The following M1AP variants were observed in gnomAD, a reference collection of about 807,000 sequenced individuals.
M1AP encodes meiosis 1 associated protein.
In M1AP, 39 loss-of-function variants were observed where a neutral mutation model predicts 51.2. The observed-to-expected ratio is 0.76, with a 90% CI of 0.59 to 1.00. The LOEUF (loss-of-function observed/expected upper bound fraction) is 1.00. Ranked by LOEUF, M1AP falls within the 50% of genes least tolerant of loss-of-function variation. The pLI is 0.00. For missense variants in M1AP, 545 were observed against 641.2 expected (o/e 0.85, Z 1.62); for synonymous variants, 251 against 249.2 (o/e 1.01, Z -0.07).
chr2:74,632,641 G>A (rs1284469805), intron 2 of M1AP, among the ~76,000 whole-genome samples: 2 of 152,172 alleles, frequency 1.3e-5, no homozygotes, highest in African/African-American at 2.4e-5. Flanking sequence ...TTCCATGGAG[G>A]AAATGGAATA....
intron 7 of M1AP, among the ~76,000 whole-genome samples, chr2:74,563,981 G>C (rs1678208734): frequency 6.6e-6 from 1 of 152,120 alleles, no homozygotes; most frequent in Non-Finnish European, 1.5e-5. Flanking sequence ...CCTCTTACTG[G>C]GGGTGATCTT....
At chr2:74,564,480 A>G (rs986654465) in intron 7 of M1AP, among the ~76,000 whole-genome samples, 2 of 152,198 alleles carry the variant, frequency 1.3e-5, no homozygotes, top group African/African-American at 4.8e-5. Context: ...TGATTTGGGC[A>G]TGGGAAAATT....
rs779960080 is a variant in M1AP at position 74,562,465 on chromosome 2, T to C, written c.1075-42A>G. 40 of 1,607,876 alleles carry C rather than the reference T, an allele frequency of 2.5e-5. No individual in the cohort carries two copies. In the East Asian group the frequency reaches 3.1e-4, roughly 13 times the overall value. ...CAGAAATACTGGTTCATCTTTAGTC[T>C]ATGGCATGGTTTGAGGATCAGTCCC... On this transcript the variant is annotated intron_variant, in intron 7 of 10. Transcript: ENST00000421985.
chr2:74,630,973 T>C (rs992496907), intron 2 of M1AP, among the ~76,000 whole-genome samples: 1 of 152,222 alleles, frequency 6.6e-6, no homozygotes, highest in Non-Finnish European at 1.5e-5. Flanking sequence ...ATTTAATGCA[T>C]TTTGCTTCAA....
intron 4 of M1AP, among the ~76,000 whole-genome samples, chr2:74,603,274 T>A (rs1680776495): frequency 6.6e-6 from 1 of 152,220 alleles, no homozygotes; most frequent in Admixed American, 6.5e-5. Context: ...ATGTAGGATA[T>A]ACACCAGGAC....
chr2:74,646,248 C>G (rs995944925), intron 1 of M1AP, among the ~76,000 whole-genome samples: 3 of 151,860 alleles, frequency 2.0e-5, no homozygotes, highest in Non-Finnish European at 4.4e-5. Flanking sequence ...TTTATAAAAA[C>G]AAAAACTGAA....
At chr2:74,606,396 C>G (rs1297423916) in intron 4 of M1AP, among the ~76,000 whole-genome samples, 1 of 152,010 alleles carries the variant, frequency 6.6e-6, no homozygotes, top group Non-Finnish European at 1.5e-5. Context: ...ATGTAATAAA[C>G]CAAATTGTTT....
In M1AP at chr2:74,636,865, C is replaced by T. The variant is rs148200039; in HGVS notation, c.240+3171G>A. 1.9e-3 allele frequency among the ~76,000 whole-genome samples: 282 copies of T among 152,250 alleles called. 1 individual carries two copies. Among genetic ancestry groups the T allele is most frequent in the African/African-American group, 6.6e-3 (273 of 41,554 alleles). ...AAGTGCTAAGATTATAGGTGTGAGT[C>T]ACCATGCCCAGCCTCAAGATTTCAT... On this transcript the variant is annotated intron_variant, in intron 2 of 10. Transcript: ENST00000421985.
chr2:74,590,439 G>C (rs368380759), intron 4 of M1AP, among the ~76,000 whole-genome samples: 13 of 152,020 alleles, frequency 8.6e-5, no homozygotes, highest in Middle Eastern at 3.4e-3. Flanking sequence ...TGAATTTTAG[G>C]GGGGGCGGGG....
At position 74,570,987 on chromosome 2, in the gene M1AP, G is replaced by A. The variant is rs533143395; in HGVS notation, c.1074+4451C>T. ...ATTAAAGGAAAGGTTAAAAGGGCTT[G>A]AATTAGGATAGTGATAACAGATGCT... On this transcript the variant is annotated intron_variant, in intron 7 of 10. Transcript: ENST00000421985. Among the ~76,000 whole-genome samples the A allele has an allele frequency of 2.6e-5, 4 of 152,290 alleles. No homozygotes were observed. In the South Asian group the frequency reaches 8.3e-4, roughly 32 times the overall value.
At chr2:74,632,786 T>C (rs989704763) in intron 2 of M1AP, among the ~76,000 whole-genome samples, 2 of 152,186 alleles carry the variant, frequency 1.3e-5, no homozygotes, top group Non-Finnish European at 1.5e-5. Context: ...CCTAGCTTAG[T>C]TGAGCTTCTG....
At chr2:74,623,010 G>A (rs1405049268) in intron 2 of M1AP, among the ~76,000 whole-genome samples, 1 of 145,914 alleles carries the variant, frequency 6.9e-6, no homozygotes. Context: ...AGCAAGCAAA[G>A]AAAAGGCAGG....
intron 4 of M1AP, among the ~76,000 whole-genome samples, chr2:74,592,801 G>A (rs1360034167): frequency 2.6e-5 from 4 of 151,972 alleles, no homozygotes; most frequent in Non-Finnish European, 4.4e-5. Flanking sequence ...TTGGATCCCT[G>A]GTCCATTTGG....
At chr2:74,574,090 C>T (rs546699035) in intron 7 of M1AP, among the ~76,000 whole-genome samples, 2 of 152,210 alleles carry the variant, frequency 1.3e-5, no homozygotes, top group African/African-American at 2.4e-5. Context: ...AAAGGGAGTG[C>T]GGGCTTCGAA....
chr2:74,577,250 A>T (rs1310388451), intron 5 of M1AP, among the ~76,000 whole-genome samples: 1 of 152,172 alleles, frequency 6.6e-6, no homozygotes, highest in Non-Finnish European at 1.5e-5. Flanking sequence ...GCCTTGGAGC[A>T]TCACAGTGGC....
At chr2:74,602,089 G>C (rs2104681093) in intron 4 of M1AP, among the ~76,000 whole-genome samples, 1 of 152,278 alleles carries the variant, frequency 6.6e-6, no homozygotes, top group Non-Finnish European at 1.5e-5. Flanking sequence ...AGAAGTGTTT[G>C]AATCAATTTA....
At chr2:74,628,214 C>A in intron 2 of M1AP, 1 of 226,052 alleles carries the variant, frequency 4.4e-6, no homozygotes. Context: ...AGTGGAAAAA[C>A]AAAGCCAATC....
At chr2:74,561,976 G>GT in intron 8 of M1AP, 1 of 985,264 alleles carries the variant, frequency 1.0e-6, no homozygotes. Flanking sequence ...TTCTCTCCCA[G>GT]TTTTTTGTTC....
At position 74,576,535 on chromosome 2, in the gene M1AP, C is replaced by G; in HGVS notation, c.853G>C (p.Asp285His). 2 of 1,613,996 alleles carry G rather than the reference C, an allele frequency of 1.2e-6. No individual in the cohort carries two copies. The highest frequency in any genetic ancestry group is 1.7e-4 in the Middle Eastern group (1 of 6,054). The change falls in exon 6 of 11, where the codon GAC becomes CAC. Residue 285 changes from aspartate to histidine, a missense_variant. Asp to His is a moderately conservative substitution (Grantham distance 81). Coordinates refer to ENST00000421985, the MANE Select transcript of M1AP (RefSeq NM_001321739.2). ...GTADGSLRMD[D>H]PKGDFITLYQ... ...AGTGTGATGAAGTCTCCTTTAGGGT[C>G]ATCCATTCTCAAGGAGCCGTCAGCT...
Sources: gnomAD v4.1 joint callset for allele counts (sites outside exome capture counted in the v4.1 genomes callset) on GRCh38, gnomAD v4.1.1 for gene constraint, MANE v1.5 for transcripts, NCBI Gene and HGNC (gene_info 2026-07-23, HGNC 2026-07-21) for gene names.